The following TMEM117 variants were observed in gnomAD, a reference collection of about 807,000 sequenced individuals.
TMEM117 encodes the protein transmembrane protein 117.
In TMEM117, 27 loss-of-function variants were observed where a neutral mutation model predicts 52.4. The observed-to-expected ratio is 0.51, with a 90% confidence interval of 0.38 to 0.71. TMEM117 has a LOEUF of 0.71. TMEM117 is among the 30% of genes least tolerant of loss of function. The pLI, the probability that TMEM117 is intolerant of heterozygous loss-of-function variation, is 0.00. For missense variants in TMEM117, 556 were observed against 630.5 expected (o/e 0.88, Z 1.26); for synonymous variants, 215 against 206.3 (o/e 1.04, Z -0.36).
At chr12:44,317,263 A>G (rs1404591509) in intron 6 of TMEM117, among the ~76,000 whole-genome samples, 1 of 130,194 alleles carries the variant, frequency 7.7e-6, no homozygotes, top group Non-Finnish European at 1.7e-5. Context: ...TGTGAATAGG[A>G]TTTTCCCCTT....
chr12:44,178,266 T>C (rs1010882559), intron 4 of TMEM117, among the ~76,000 whole-genome samples: 2 of 152,210 alleles, frequency 1.3e-5, no homozygotes, highest in African/African-American at 4.8e-5. Context: ...AACTTTGTCA[T>C]ATAACTCTTG....
chr12:44,144,489 A>G (rs1948614312), intron 4 of TMEM117, among the ~76,000 whole-genome samples: 1 of 152,248 alleles, frequency 6.6e-6, no homozygotes, highest in African/African-American at 2.4e-5. Context: ...AAGACTTGGC[A>G]TGGACATGTC....
intron 5 of TMEM117, among the ~76,000 whole-genome samples, chr12:44,234,265 T>A (rs1486701476): frequency 6.6e-6 from 1 of 151,528 alleles, no homozygotes. Context: ...TAATTATTCA[T>A]TTTCTTTAGT....
Position 44,118,769 on chromosome 12 carries a change from C to T in TMEM117, c.411-24756C>T, listed in dbSNP as rs189252619. 2.6e-5 allele frequency among the ~76,000 whole-genome samples: 4 copies of T among 152,182 alleles called. 1 individual carries two copies. In the South Asian group the frequency reaches 6.2e-4, roughly 24 times the overall value. On this transcript the variant is annotated intron_variant, in intron 3 of 7. Transcript: ENST00000266534. ...CTACTTTTCAGGCAGGGTATTTTTT[C>T]ACTTCTTTAAACTTAATGCAGTTTA...
intron 5 of TMEM117, among the ~76,000 whole-genome samples, chr12:44,278,846 A>G (rs1037179552): frequency 6.6e-6 from 1 of 152,144 alleles, no homozygotes; most frequent in Non-Finnish European, 1.5e-5. Context: ...TCACAACACA[A>G]TGGTGTTAAT....
At chr12:44,328,616 C>A (rs2138718195) in intron 6 of TMEM117, among the ~76,000 whole-genome samples, 1 of 152,174 alleles carries the variant, frequency 6.6e-6, no homozygotes, top group South Asian at 2.1e-4. Context: ...TAAAAGATAT[C>A]TTTGGTTGGA....
intron 3 of TMEM117, among the ~76,000 whole-genome samples, chr12:43,964,688 A>G (rs1316459771): frequency 1.3e-5 from 2 of 152,170 alleles, no homozygotes; most frequent in East Asian, 1.9e-4. Flanking sequence ...GAGGAAGGTA[A>G]GATGTCAGGA....
intron 6 of TMEM117, among the ~76,000 whole-genome samples, chr12:44,334,688 A>C (rs1273565230): frequency 6.6e-6 from 1 of 152,004 alleles, no homozygotes; most frequent in Non-Finnish European, 1.5e-5. Flanking sequence ...GCAACTCTTT[A>C]CTTAACGCCT....
intron 3 of TMEM117, among the ~76,000 whole-genome samples, chr12:44,036,542 A>G (rs1592461039): frequency 6.6e-6 from 1 of 152,324 alleles, no homozygotes; most frequent in East Asian, 1.9e-4. Context: ...TTTTTCTGAG[A>G]TATAGCAATG....
At chr12:44,281,508 A>G (rs182820481) in intron 5 of TMEM117, among the ~76,000 whole-genome samples, 77 of 152,312 alleles carry the variant, frequency 5.1e-4, no homozygotes, top group African/African-American at 1.8e-3. Flanking sequence ...TCAAAGTCAC[A>G]AAATTTTATC....
chr12:44,269,740 T>C (rs1650189091), intron 5 of TMEM117, among the ~76,000 whole-genome samples: 1 of 152,074 alleles, frequency 6.6e-6, no homozygotes, highest in African/African-American at 2.4e-5. Context: ...GGAATGATAC[T>C]TTCCAAGTCC....
chr12:44,036,295 CCT>C (rs1018645647), intron 3 of TMEM117, among the ~76,000 whole-genome samples: 23 of 152,162 alleles, frequency 1.5e-4, no homozygotes, highest in African/African-American at 5.6e-4. Flanking sequence ...CAGTTTTCTA[CCT>C]ACCACTCAGC....
At chr12:44,126,484 C>G (rs1948326911) in intron 3 of TMEM117, among the ~76,000 whole-genome samples, 2 of 152,194 alleles carry the variant, frequency 1.3e-5, no homozygotes, top group Non-Finnish European at 2.9e-5. Context: ...ATGTCAGATT[C>G]TACCTGTGTT....
intron 3 of TMEM117, among the ~76,000 whole-genome samples, chr12:43,951,358 A>T (rs1437915977): frequency 6.6e-6 from 1 of 152,112 alleles, no homozygotes; most frequent in Admixed American, 6.5e-5. Context: ...AGTGGCTCCC[A>T]CTCCTATAGA....
intron 3 of TMEM117, among the ~76,000 whole-genome samples, chr12:44,031,830 T>TA (rs1565800006): frequency 6.6e-6 from 1 of 152,218 alleles, no homozygotes; most frequent in East Asian, 1.9e-4. Flanking sequence ...ATTCCTTTTA[T>TA]AACAGGACAC....
At chr12:44,175,202 G>A (rs768041198) in intron 4 of TMEM117, among the ~76,000 whole-genome samples, 1 of 152,166 alleles carries the variant, frequency 6.6e-6, no homozygotes, top group Non-Finnish European at 1.5e-5. Context: ...TCAGTTAGGA[G>A]TTTAGGCCAG....
intron 6 of TMEM117, among the ~76,000 whole-genome samples, chr12:44,302,269 A>C (rs1950850262): frequency 6.6e-6 from 1 of 152,150 alleles, no homozygotes; most frequent in Non-Finnish European, 1.5e-5. Context: ...TCATTGTCCG[A>C]GAGGAGAGTC....
At chr12:43,892,297 A>G (rs1361408814) in intron 2 of TMEM117, among the ~76,000 whole-genome samples, 2 of 152,228 alleles carry the variant, frequency 1.3e-5, no homozygotes, top group African/African-American at 4.8e-5. Context: ...GATTGTGACA[A>G]CACATAGGAA....
intron 3 of TMEM117, among the ~76,000 whole-genome samples, chr12:43,989,692 T>C (rs1405795546): frequency 1.3e-5 from 2 of 152,124 alleles, no homozygotes; most frequent in East Asian, 3.8e-4. Flanking sequence ...TATGAGAATG[T>C]CATAGCTCTT....
Sources: allele counts gnomAD v4.1 joint callset (sites outside exome capture counted in the v4.1 genomes callset), GRCh38; gene constraint gnomAD v4.1.1; transcripts MANE v1.5; gene names NCBI Gene and HGNC (gene_info 2026-07-23, HGNC 2026-07-21).